Variants in NLGN1 observed in about 807,000 individuals in gnomAD.
NLGN1 encodes neuroligin-1.
Under a neutral mutation model 65.5 loss-of-function variants are expected in NLGN1, and 12 were observed. The ratio of observed to expected loss-of-function variants is 0.18; its 90% CI spans 0.12 to 0.30. The LOEUF (loss-of-function observed/expected upper bound fraction) is 0.30. Among genes scored for constraint, NLGN1 ranks in the 10% least tolerant of loss-of-function variants. NLGN1 has a pLI of 1.00. For synonymous variants in NLGN1, 350 were observed against 359.5 expected, an observed-to-expected ratio of 0.97 and a Z score of 0.30; for missense variants, 750 against 1,007.1, an observed-to-expected ratio of 0.74 and a Z score of 3.46.
chr3:173,592,062 C>T (rs1032267653), intron 2 of NLGN1, among the ~76,000 whole-genome samples: 22 of 152,162 alleles, frequency 1.4e-4, no homozygotes, highest in African/African-American at 5.1e-4. Context: ...TACATTAAAA[C>T]TGTTGCCCAT....
intron 4 of NLGN1, among the ~76,000 whole-genome samples, chr3:174,210,100 TC>T (rs1736178353): frequency 6.6e-6 from 1 of 152,154 alleles, no homozygotes; most frequent in African/African-American, 2.4e-5. Context: ...CATTATAGGT[TC>T]CCCTTAACAC....
At chr3:174,037,307 C>A (rs1304346264) in intron 4 of NLGN1, among the ~76,000 whole-genome samples, 1 of 152,110 alleles carries the variant, frequency 6.6e-6, no homozygotes, top group African/African-American at 2.4e-5. Context: ...ACCTATAACT[C>A]ACATTGTATA....
chr3:174,190,079 C>G (rs1366969681), intron 4 of NLGN1, among the ~76,000 whole-genome samples: 3 of 152,050 alleles, frequency 2.0e-5, no homozygotes, highest in African/African-American at 4.8e-5. Context: ...AGGTACAACA[C>G]TTGAGCACTG....
intron 1 of NLGN1, among the ~76,000 whole-genome samples, chr3:173,430,564 C>T (rs536807887): frequency 1.3e-5 from 2 of 152,306 alleles, no homozygotes; most frequent in African/African-American, 2.4e-5. Context: ...CCAGCCTTCT[C>T]CCCTGTAAAG....
intron 4 of NLGN1, among the ~76,000 whole-genome samples, chr3:173,853,184 C>T (rs559923694): frequency 3.0e-4 from 46 of 152,266 alleles, no homozygotes; most frequent in African/African-American, 1.1e-3. Flanking sequence ...CATAGTGGTG[C>T]CAGCACAGAC....
intron 3 of NLGN1, among the ~76,000 whole-genome samples, chr3:173,798,524 T>G (rs1027112603): frequency 6.6e-6 from 1 of 152,158 alleles, no homozygotes; most frequent in Non-Finnish European, 1.5e-5. Flanking sequence ...TGTTGTTGCA[T>G]GAATGTCAAA....
chr3:173,662,501 A>G (rs1336617491), intron 3 of NLGN1, among the ~76,000 whole-genome samples: 1 of 152,026 alleles, frequency 6.6e-6, no homozygotes, highest in African/African-American at 2.4e-5. Context: ...TGTGCAGCTT[A>G]AAGTTTATTC....
intron 4 of NLGN1, among the ~76,000 whole-genome samples, chr3:173,848,372 G>A (rs903147512): frequency 4.6e-5 from 7 of 152,154 alleles, no homozygotes; most frequent in African/African-American, 1.7e-4. Context: ...ACCTTAAAGA[G>A]AGCAGAGATA....
chr3:173,794,123 C>A (rs147314620), intron 3 of NLGN1, among the ~76,000 whole-genome samples: 381 of 152,218 alleles, frequency 2.5e-3, no homozygotes, highest in Non-Finnish European at 3.8e-3. Flanking sequence ...AGCCCTTTGC[C>A]TGCCTGGTGT....
At chr3:173,669,426 C>T (rs573310784) in intron 3 of NLGN1, among the ~76,000 whole-genome samples, 31 of 152,244 alleles carry the variant, frequency 2.0e-4, no homozygotes, top group East Asian at 9.7e-4. Context: ...CCCGTCTCTC[C>T]GCTACCTTCT....
downstream of NLGN1, among the ~76,000 whole-genome samples, chr3:174,287,101 C>T (rs1170104862): frequency 1.3e-5 from 2 of 151,286 alleles, no homozygotes; most frequent in African/African-American, 4.8e-5. Context: ...TTAATAATAT[C>T]TAGGAAGATA....
At chr3:174,114,043 C>G in intron 4 of NLGN1, among the ~76,000 whole-genome samples, 1 of 152,116 alleles carries the variant, frequency 6.6e-6, no homozygotes, top group East Asian at 1.9e-4. Flanking sequence ...TTATTTTCCC[C>G]TCCTTTATTT....
chr3:173,827,422 G>T (rs1295934277), intron 4 of NLGN1, among the ~76,000 whole-genome samples: 2 of 152,022 alleles, frequency 1.3e-5, no homozygotes, highest in Non-Finnish European at 2.9e-5. Context: ...GCCTGAGCTG[G>T]ATTTTAAATG....
At chr3:174,152,173 G>T (rs923893460) in intron 4 of NLGN1, among the ~76,000 whole-genome samples, 2 of 152,028 alleles carry the variant, frequency 1.3e-5, no homozygotes, top group African/African-American at 4.8e-5. Flanking sequence ...AAGAGAAGTA[G>T]AGCTAAACTT....
At chr3:174,099,539 G>A (rs1219798552) in intron 4 of NLGN1, among the ~76,000 whole-genome samples, 2 of 152,132 alleles carry the variant, frequency 1.3e-5, no homozygotes, top group African/African-American at 4.8e-5. Flanking sequence ...CTTATTGAAG[G>A]CTTTCCCTGG....
intron 4 of NLGN1, among the ~76,000 whole-genome samples, chr3:174,137,718 G>A (rs937736118): frequency 6.6e-6 from 1 of 152,114 alleles, no homozygotes; most frequent in African/African-American, 2.4e-5. Flanking sequence ...ATATGTCTTT[G>A]TGGGAAAATA....
At chr3:173,877,962 T>C (rs1005288820) in intron 4 of NLGN1, among the ~76,000 whole-genome samples, 14 of 152,228 alleles carry the variant, frequency 9.2e-5, no homozygotes, top group African/African-American at 3.1e-4. Context: ...ACTACTGTTA[T>C]ATGGTCTTCA....
chr3:174,195,151 G>A (rs1283261557), intron 4 of NLGN1, among the ~76,000 whole-genome samples: 1 of 152,002 alleles, frequency 6.6e-6, no homozygotes, highest in Non-Finnish European at 1.5e-5. Context: ...ATGAGCCACC[G>A]CCCCCAGCCA....
intron 2 of NLGN1, among the ~76,000 whole-genome samples, chr3:173,458,503 C>T (rs983568212): frequency 6.6e-6 from 1 of 151,982 alleles, no homozygotes; most frequent in Non-Finnish European, 1.5e-5. Context: ...AATCTTTTCT[C>T]TCTTAAAAAC....
Sources: gnomAD v4.1 joint callset for allele counts (sites outside exome capture counted in the v4.1 genomes callset) on GRCh38, gnomAD v4.1.1 for gene constraint, MANE v1.5 for transcripts, NCBI Gene and HGNC (gene_info 2026-07-23, HGNC 2026-07-21) for gene names.